CAMK1G: variants seen among roughly 807,000 people sequenced by gnomAD.
The protein encoded by CAMK1G is calcium/calmodulin-dependent protein kinase type 1G.
A neutral mutation model predicts 54.8 loss-of-function variants in CAMK1G; 27 were observed. That is an observed-to-expected ratio of 0.49 (90% confidence interval 0.36 to 0.68). The LOEUF (loss-of-function observed/expected upper bound fraction) is 0.68, where lower values mean the gene tolerates loss of function less well. Among genes scored for constraint, CAMK1G ranks in the 30% least tolerant of loss-of-function variants. The probability of loss-of-function intolerance (pLI) is 0.00; values close to 1 mark genes in which losing one functional copy is unlikely to be tolerated. For missense variants in CAMK1G, 512 were observed against 591.0 expected (o/e 0.87, Z 1.39); for synonymous variants, 238 against 224.9 (o/e 1.06, Z -0.52).
chr1:209,606,508 T>C (rs1230601144), intron 6 of CAMK1G, 65 bp downstream of exon 6: 5 of 1,553,706 alleles, frequency 3.2e-6, no homozygotes, highest in South Asian at 1.2e-5. Flanking sequence ...CTATCATTCA[T>C]AGAAAGGGGT....
chr1:209,606,205 T>G, intron 5 of CAMK1G, 115 bp from the exon 6 acceptor site: 1 of 1,334,046 alleles, frequency 7.5e-7, no homozygotes, highest in Non-Finnish European at 1.0e-6. Flanking sequence ...GAGGATGAGC[T>G]GGCCTTGAAG....
chr1:209,592,285 C>T (rs1378304587), intron 1 of CAMK1G, among the ~76,000 whole-genome samples: 2 of 138,084 alleles, frequency 1.4e-5, no homozygotes, highest in East Asian at 4.4e-4. Context: ...GTTGAGGCTG[C>T]AGTAAGGAAT....
intron 4 of CAMK1G, among the ~76,000 whole-genome samples, chr1:209,603,880 A>G (rs970023530): frequency 6.6e-6 from 1 of 152,230 alleles, no homozygotes; most frequent in Non-Finnish European, 1.5e-5. Context: ...GTCCATCTGT[A>G]GGACAGAAGT....
At chr1:209,591,871 C>T (rs575583294) in intron 1 of CAMK1G, among the ~76,000 whole-genome samples, 2 of 152,250 alleles carry the variant, frequency 1.3e-5, no homozygotes, top group South Asian at 2.1e-4. Context: ...CCTGAAAAGC[C>T]CTGGTCATCA....
Position 209,606,336 on chromosome 1 carries a change from A to T in CAMK1G, c.452A>T (p.Tyr151Phe). 6.2e-7 allele frequency: 1 copy of T among 1,614,052 alleles called. No homozygotes were observed. Among genetic ancestry groups the T allele is most frequent in the Non-Finnish European group, 8.5e-7 (1 of 1,179,964 alleles). Reference protein sequence around the residue: ...HRDLKPENLLYLTPEENSKIM... With the variant: ...HRDLKPENLLFLTPEENSKIM... ...CTCCTACAGCCCGAAAACCTGCTTT[A>T]CCTTACCCCTGAAGAGAACTCTAAG... Residue 151 changes from tyrosine (Y) to phenylalanine (F), a missense_variant, in exon 6 of 13, where the codon TAC becomes TTC. Physicochemically the swap from Tyr to Phe is conservative, Grantham distance 22. Around this residue, in one of 3 missense-constraint regions of CAMK1G, gnomAD observed 186 missense variants for 231.5 expected, o/e 0.80. Coordinates refer to ENST00000361322, the MANE Select transcript of CAMK1G (RefSeq NM_020439.3).
rs200386679 is a variant in CAMK1G at position 209,595,017 on chromosome 1, T to C, written c.34T>C (p.Trp12Arg). The change falls in exon 2 of 13, where the codon TGG (tryptophan) becomes CGG (arginine). Residue 12 changes from tryptophan (W) to arginine (R), a missense_variant. Physicochemically the swap from Trp to Arg is moderately radical, Grantham distance 101. This residue lies in a region of CAMK1G where 186 missense variants were observed against 231.5 expected (regional missense o/e 0.80). Coordinates refer to ENST00000361322, the MANE Select transcript of CAMK1G (RefSeq NM_020439.3). ...AAAGGAAGAAGATGACTGCAGTTCC[T>C]GGAAGAAACAGACCACCAACATCCG... ...GRKEEDDCSS[W>R]KKQTTNIRKT... The C allele has an allele frequency of 5.3e-5, 85 of 1,613,970 alleles. No individual in the cohort carries two copies. Among genetic ancestry groups the C allele is most frequent in the Non-Finnish European group, 6.5e-5 (77 of 1,180,002 alleles).
chr1:209,604,117 C>T (rs561135055), intron 4 of CAMK1G, among the ~76,000 whole-genome samples: 14 of 152,296 alleles, frequency 9.2e-5, no homozygotes, highest in Middle Eastern at 3.4e-3. Context: ...CTGGACACAA[C>T]GTGGTTTTTG....
chr1:209,612,165 A>C lies in CAMK1G; in HGVS notation c.1289A>C (p.Lys430Thr). The part of the protein sequence containing the change: ...SSCLNIGSKG[K>T]SSYCSEPTLL... ...TGCCTGAACATTGGGAGCAAAGGAA[A>C]GTCCTCCTACTGCTCTGAGCCCACA... The change falls in exon 11 of 13, where the codon AAG (lysine) becomes ACG (threonine). Residue 430 changes from lysine to threonine, a missense_variant. Physicochemically the swap from Lys to Thr is moderately conservative, Grantham distance 78. Around this residue, in one of 3 missense-constraint regions of CAMK1G, gnomAD observed 315 missense variants for 330.5 expected, o/e 0.95. Coordinates refer to ENST00000361322, the MANE Select transcript of CAMK1G (RefSeq NM_020439.3). The C allele has an allele frequency of 6.2e-7, 1 of 1,614,190 alleles. No individual in the cohort carries two copies.
intron 2 of CAMK1G, among the ~76,000 whole-genome samples, chr1:209,595,783 C>G (rs547472512): frequency 6.6e-6 from 1 of 152,336 alleles, no homozygotes; most frequent in African/African-American, 2.4e-5. Flanking sequence ...CAGCTGTGCT[C>G]TAGTCCATAC....
At chr1:209,598,176 T>C (rs1571777995) in intron 2 of CAMK1G, among the ~76,000 whole-genome samples, 1 of 152,242 alleles carries the variant, frequency 6.6e-6, no homozygotes, top group Non-Finnish European at 1.5e-5. Flanking sequence ...CCAAGAGGCC[T>C]GTAATTTGGA....
At chr1:209,593,055 C>A (rs1665296953) in intron 1 of CAMK1G, among the ~76,000 whole-genome samples, 1 of 152,170 alleles carries the variant, frequency 6.6e-6, no homozygotes, top group African/African-American at 2.4e-5. Flanking sequence ...GTATGTGCAC[C>A]ATTTCATTTA....
At chr1:209,586,939 A>G (rs1665117543) in intron 1 of CAMK1G, among the ~76,000 whole-genome samples, 1 of 152,074 alleles carries the variant, frequency 6.6e-6, no homozygotes, top group Non-Finnish European at 1.5e-5. Flanking sequence ...GCAGCAGGAG[A>G]GATTTTGTTA....
At chr1:209,608,877 C>T in intron 7 of CAMK1G, 103 bp from the exon 8 acceptor site, 8 of 1,498,118 alleles carry the variant, frequency 5.3e-6, no homozygotes, top group Non-Finnish European at 9.0e-7. Flanking sequence ...CTGGGACCTT[C>T]AGTGCCCACC....
chr1:209,610,944 C>A (rs564725371), intron 9 of CAMK1G, among the ~76,000 whole-genome samples: 66 of 152,270 alleles, frequency 4.3e-4, no homozygotes, highest in African/African-American at 1.5e-3. Flanking sequence ...TACCAGACGG[C>A]CTTACTGAGG....
rs373011174 is a variant in CAMK1G, at chr1:209,611,542, G to T, written c.905G>T (p.Ser302Ile). 7 of 1,613,842 alleles carry T rather than the reference G, an allele frequency of 4.3e-6. No individual in the cohort carries two copies. The African/African-American group carries it at 9.3e-5, about 22-fold the overall frequency. ...SLQIQKNFAKSKWRQAFNAAA... is the reference protein window; with the variant it reads ...SLQIQKNFAKIKWRQAFNAAA... ...CAGATCCAGAAGAACTTTGCTAAGAGCAAGTGGAGGGTAAGCTGTCCTCTC... is the reference window on the plus strand; with the variant it reads ...CAGATCCAGAAGAACTTTGCTAAGATCAAGTGGAGGGTAAGCTGTCCTCTC... The change falls in exon 10 of 13, where the codon AGC becomes ATC. Residue 302 changes from serine (S) to isoleucine (I), a missense_variant. Transcript: ENST00000361322.
In CAMK1G at chr1:209,599,170, C is replaced by T. The variant is rs1665464284; in HGVS notation, c.93-813C>T. Among the ~76,000 whole-genome samples, 3 of 152,164 alleles carry T rather than the reference C, an allele frequency of 2.0e-5. No individual in the cohort carries two copies. The South Asian group carries it at 6.2e-4, about 32-fold the overall frequency. On this transcript the variant is annotated intron_variant, in intron 2 of 12. Transcript: ENST00000361322. ...GAGAACTCACTCACTATCCTGAGAA[C>T]ATCATGAGGGAAACTGCTCCCATGA...
At chr1:209,605,477 C>G (rs1665626223) in intron 4 of CAMK1G, 59 bp from the exon 5 acceptor site, 1 of 1,579,114 alleles carries the variant, frequency 6.3e-7, no homozygotes, top group African/African-American at 1.3e-5. Context: ...AAGCAAACAC[C>G]TTCTCATTAC....
Position 209,610,026 on chromosome 1 carries a change from C to T in CAMK1G, c.827+97C>T, listed in dbSNP as rs962984411. The T allele has an allele frequency of 8.1e-6, 8 of 983,348 alleles. No homozygotes were observed. The African/African-American group carries it at 1.1e-4, about 14-fold the overall frequency. The allele number at this position is 983,348 out of a possible 1,614,324, so 60.9% of individuals were successfully genotyped here. A position where few individuals can be genotyped will look rare whatever the true frequency, so the allele number is the denominator to read the frequency against. On this transcript the variant is annotated intron_variant, in intron 9 of 12. Coordinates refer to ENST00000361322, the MANE Select transcript of CAMK1G (RefSeq NM_020439.3). Reference sequence around the variant, plus strand: ...TGCATTTCCCTGGAATCTGCTTGTCCTGATCCATTTAATGATGTGACAAGC... The same window carrying T: ...TGCATTTCCCTGGAATCTGCTTGTCTTGATCCATTTAATGATGTGACAAGC...
intron 11 of CAMK1G, 53 bp from the exon 12 acceptor site, chr1:209,612,732 C>G: frequency 1.3e-6 from 2 of 1,485,754 alleles, no homozygotes; most frequent in South Asian, 1.1e-5. Context: ...CCTGCCCCAT[C>G]GACTCTTCTT....
Sources: gnomAD v4.1 joint callset for allele counts (sites outside exome capture counted in the v4.1 genomes callset) on GRCh38, gnomAD v4.1.1 for gene constraint, gnomAD v4.1.1 regional missense constraint, MANE v1.5 for transcripts, NCBI Gene and HGNC (gene_info 2026-07-23, HGNC 2026-07-21) for gene names.